Variants in SP140 observed in about 807,000 individuals in gnomAD.
SP140 encodes SP140 nuclear body protein.
SP140 carries 81 observed loss-of-function variants against 125.0 expected under a neutral mutation model. That is an observed-to-expected ratio of 0.65 (90% CI 0.54 to 0.78). SP140 has a LOEUF of 0.78. Ranked by LOEUF, SP140 falls within the 30% of genes least tolerant of loss-of-function variation. The pLI is 0.00. For missense variants in SP140, 858 were observed against 1,037.0 expected, an observed-to-expected ratio of 0.83 and a Z score of 2.37; for synonymous variants, 312 against 354.0, an observed-to-expected ratio of 0.88 and a Z score of 1.33.
intron 22 of SP140, among the ~76,000 whole-genome samples, chr2:230,301,318 A>T: frequency 6.6e-6 from 1 of 152,248 alleles, no homozygotes; most frequent in East Asian, 1.9e-4. Flanking sequence ...TCACAAAAAG[A>T]TAATCACTCA....
At chr2:230,292,880 G>T in intron 20 of SP140, 92 bp downstream of exon 20, 2 of 1,564,970 alleles carry the variant, frequency 1.3e-6, no homozygotes, top group Non-Finnish European at 1.7e-6. Context: ...TTAGGTTATA[G>T]CTAAAGCCTT....
At chr2:230,193,612 A>C in the SP140 span, among the ~76,000 whole-genome samples, 1 of 152,358 alleles carries the variant, frequency 6.6e-6, no homozygotes, top group African/African-American at 2.4e-5. Context: ...CTTCATTCAT[A>C]AAACTTAGCT....
intron 5 of SP140, among the ~76,000 whole-genome samples, 192 bp from the exon 6 acceptor site, chr2:230,244,796 A>G (rs2149167832): frequency 6.6e-6 from 1 of 152,208 alleles, no homozygotes; most frequent in African/African-American, 2.4e-5. Flanking sequence ...AAAAGTGAGA[A>G]GGAGAAAGGA....
chr2:230,212,427 G>A lies in SP140; in HGVS notation c.-322-1227G>A, dbSNP rs200563506. 4.3e-5 allele frequency: 69 copies of A among 1,607,268 alleles called. No individual in the cohort carries two copies. The highest frequency in any genetic ancestry group is 5.4e-5 in the Non-Finnish European group (63 of 1,173,850). On this transcript the variant is annotated intron_variant, in intron 1 of 4. Transcript: ENST00000456542. Reference sequence around the variant, plus strand: ...CATTTTGGATGTTAACTTGTCATTGGTCACTGAAGGAGGAAAGGAAATTAT... The same window carrying A: ...CATTTTGGATGTTAACTTGTCATTGATCACTGAAGGAGGAAAGGAAATTAT...
rs1416643962 is a variant in SP140 at position 230,211,206 on chromosome 2, G to A, written c.-322-2448G>A. ...AGTCCAAACCTACAGGCACTGGTGG[G>A]GCTCTGTCCATCATCATCCGTGGCC... On this transcript the variant is annotated intron_variant, in intron 1 of 4. Transcript: ENST00000456542. This position sits in a 1 kb window ranked among gnomAD's most constrained non-coding sequence, Gnocchi z 4.2. 6.6e-6 allele frequency among the ~76,000 whole-genome samples: 1 copy of A among 152,086 alleles called. No individual in the cohort carries two copies. Among genetic ancestry groups the A allele is most frequent in the East Asian group, 1.9e-4 (1 of 5,176 alleles).
intron 12 of SP140, among the ~76,000 whole-genome samples, chr2:230,258,802 G>C (rs915205685): frequency 6.6e-6 from 1 of 152,160 alleles, no homozygotes; most frequent in African/African-American, 2.4e-5. Context: ...TCCAAGAACA[G>C]TTTATATATT....
At chr2:230,225,489 T>A (rs760565678), upstream of SP140, 140 of 355,518 alleles carry the variant, frequency 3.9e-4, no homozygotes, top group Middle Eastern at 9.4e-4. Flanking sequence ...CAGCAAGGGG[T>A]GGGGACAAAT....
the SP140 span, among the ~76,000 whole-genome samples, chr2:230,197,094 C>T: frequency 2.0e-5 from 3 of 152,078 alleles, no homozygotes; most frequent in East Asian, 1.9e-4. Flanking sequence ...TATTTCTAGT[C>T]CCAGATCCCT....
chr2:230,301,961 A>G (rs1170558312), intron 22 of SP140, among the ~76,000 whole-genome samples: 2 of 152,208 alleles, frequency 1.3e-5, no homozygotes, highest in Non-Finnish European at 2.9e-5. Context: ...AATGGACACC[A>G]AAAGCGAGCA....
upstream of SP140, among the ~76,000 whole-genome samples, chr2:230,199,922 C>T (rs538941055): frequency 4.6e-5 from 7 of 152,220 alleles, 1 homozygote; most frequent in Middle Eastern, 3.4e-3. Context: ...GTTGTTAACC[C>T]GGTGGCAGCC....
At chr2:230,198,475 T>C (rs185931660), upstream of SP140, among the ~76,000 whole-genome samples, 384 of 152,348 alleles carry the variant, frequency 2.5e-3, no homozygotes, top group Non-Finnish European at 3.7e-3. Flanking sequence ...TCTCCCTTTT[T>C]CTTTAGTAAT....
At chr2:230,256,783 A>T (rs1424957493) in intron 12 of SP140, among the ~76,000 whole-genome samples, 1 of 152,222 alleles carries the variant, frequency 6.6e-6, no homozygotes, top group Non-Finnish European at 1.5e-5. Context: ...CCTTCAGTGT[A>T]ATGGTATTCT....
At chr2:230,210,695 A>G in intron 1 of SP140, among the ~76,000 whole-genome samples, 1 of 152,240 alleles carries the variant, frequency 6.6e-6, no homozygotes. Flanking sequence ...ACTTGAAGCC[A>G]TAACAAATAA....
intron 9 of SP140, among the ~76,000 whole-genome samples, chr2:230,249,908 G>A (rs2050095812): frequency 6.6e-6 from 1 of 152,202 alleles, no homozygotes; most frequent in Non-Finnish European, 1.5e-5. Flanking sequence ...CAGAGAGTAA[G>A]AGTACTCTTT....
chr2:230,237,246 G>T lies in SP140; in HGVS notation c.223G>T (p.Glu75Ter). 1 of 1,611,004 alleles carries T rather than the reference G, an allele frequency of 6.2e-7. No individual in the cohort carries two copies. Residue 75 changes from glutamate (E) to a stop codon, truncating the protein, a stop_gained, in exon 2 of 27, where the codon GAG (glutamate) becomes TAG (stop). Transcript: ENST00000392045. LOFTEE classifies it high-confidence loss of function. This position sits in a 1 kb window ranked among gnomAD's most constrained non-coding sequence, Gnocchi z 5.4. ...CCTCCGAGACCGCTCCTTCATCTCC[G>T]AGCAGATGTATGAAGTAAGTAAGAA... ...MGLRDRSFISEQMYEHFQEAF... is the reference protein window; with the variant it reads ...MGLRDRSFIS
intron 21 of SP140, among the ~76,000 whole-genome samples, chr2:230,294,572 T>C (rs1261086617): frequency 6.6e-6 from 1 of 152,224 alleles, no homozygotes; most frequent in Non-Finnish European, 1.5e-5. Context: ...ATATACGTCC[T>C]GGGAGTGTTT....
At chr2:230,212,747 G>C in intron 1 of SP140, 8 of 1,613,844 alleles carry the variant, frequency 5.0e-6, no homozygotes, top group Non-Finnish European at 6.8e-6. Context: ...TGTTGGATGG[G>C]ATCTGTTTCT....
intron 19 of SP140, among the ~76,000 whole-genome samples, chr2:230,292,399 C>T (rs2057219320): frequency 6.6e-6 from 1 of 152,186 alleles, no homozygotes; most frequent in Non-Finnish European, 1.5e-5. Context: ...AAAGGTTGCT[C>T]TTGATGATAA....
At chr2:230,214,637 C>G (rs1186042663) in intron 3 of SP140, among the ~76,000 whole-genome samples, 3 of 152,190 alleles carry the variant, frequency 2.0e-5, no homozygotes, top group Admixed American at 2.0e-4. Flanking sequence ...CAGACCTGAT[C>G]TTTGTAACTT....
Sources: allele counts gnomAD v4.1 joint callset (sites outside exome capture counted in the v4.1 genomes callset), GRCh38; gene constraint gnomAD v4.1.1; non-coding constraint Gnocchi (gnomAD v3.1); transcripts MANE v1.5; gene names NCBI Gene and HGNC (gene_info 2026-07-23, HGNC 2026-07-21).